NTM: variants seen among roughly 807,000 people sequenced by gnomAD.
NTM encodes neurotrimin, also known as IgLON family member 2.
NTM carries 13 observed loss-of-function variants against 42.1 expected under a neutral mutation model. The observed-to-expected ratio is 0.31, with a 90% CI of 0.20 to 0.49. The LOEUF is 0.49. Among genes scored for constraint, NTM ranks in the 20% least tolerant of loss-of-function variants. The pLI is 0.99. For missense variants in NTM, 373 were observed against 452.8 expected (o/e 0.82, Z 1.60); for synonymous variants, 187 against 179.2 (o/e 1.04, Z -0.35).
chr11:132,232,362 C>T (rs1440753013), intron 4 of NTM, among the ~76,000 whole-genome samples: 2 of 152,166 alleles, frequency 1.3e-5, no homozygotes, highest in African/African-American at 4.8e-5. Flanking sequence ...CTCCCGCATT[C>T]ATGAAAGGAA....
At chr11:131,823,912 T>C (rs1283419030) in intron 1 of NTM, among the ~76,000 whole-genome samples, 2 of 152,334 alleles carry the variant, frequency 1.3e-5, no homozygotes, top group Non-Finnish European at 2.9e-5. Context: ...TGAAAGCGCA[T>C]GGAATAGTTC....
At chr11:132,121,715 C>T (rs547380607) in intron 2 of NTM, among the ~76,000 whole-genome samples, 3 of 152,264 alleles carry the variant, frequency 2.0e-5, no homozygotes, top group Non-Finnish European at 4.4e-5. Context: ...TGGGCAGACC[C>T]ACCCCTCTGT....
At chr11:132,306,044 A>G (rs1320741048) in intron 4 of NTM, among the ~76,000 whole-genome samples, 1 of 152,210 alleles carries the variant, frequency 6.6e-6, no homozygotes, top group Non-Finnish European at 1.5e-5. Context: ...TGGCATGAAG[A>G]TGTATGAGAT....
At chr11:132,110,468 A>G (rs2136728211) in intron 2 of NTM, among the ~76,000 whole-genome samples, 1 of 152,314 alleles carries the variant, frequency 6.6e-6, no homozygotes. Context: ...CACTGAGTAT[A>G]TTCCTAATAT....
At chr11:131,642,794 A>G (rs1373565729) in intron 1 of NTM, among the ~76,000 whole-genome samples, 1 of 152,132 alleles carries the variant, frequency 6.6e-6, no homozygotes, top group East Asian at 1.9e-4. Flanking sequence ...TCATTACTAC[A>G]ACAAACATTG....
intron 2 of NTM, among the ~76,000 whole-genome samples, chr11:132,013,596 A>G (rs1158378393): frequency 6.6e-6 from 1 of 152,132 alleles, no homozygotes. Context: ...TGCTGAGAGA[A>G]GAGTGGCATA....
At chr11:131,558,141 G>A (rs1402918274) in intron 1 of NTM, among the ~76,000 whole-genome samples, 1 of 152,190 alleles carries the variant, frequency 6.6e-6, no homozygotes, top group Non-Finnish European at 1.5e-5. Context: ...GTGCAAGGCG[G>A]ATGCTTGAGG....
chr11:131,459,057 T>C (rs1951147890), intron 1 of NTM, among the ~76,000 whole-genome samples: 1 of 152,264 alleles, frequency 6.6e-6, no homozygotes, highest in Admixed American at 6.5e-5. Flanking sequence ...CTGGCCAGAT[T>C]GCACAGGATA....
Position 131,476,080 on chromosome 11 carries a change from A to G in NTM, c.82+105192A>G, listed in dbSNP as rs1332622004. Among the ~76,000 whole-genome samples the G allele has an allele frequency of 3.3e-5, 5 of 152,178 alleles. No homozygotes were observed. The East Asian group carries it at 9.7e-4, about 29-fold the overall frequency. ...GGAGGCAGGGAGGGAAGAAATGAGG[A>G]AAGGAGGGAGGAAAGCCTGTGTATT... is the stretch of plus-strand genomic sequence containing the variant. On this transcript the variant is annotated intron_variant, in intron 1 of 8. Transcript: ENST00000683400.
intron 1 of NTM, among the ~76,000 whole-genome samples, chr11:131,540,013 C>G (rs1337047336): frequency 1.3e-5 from 2 of 152,194 alleles, no homozygotes; most frequent in African/African-American, 4.8e-5. Context: ...CCACCTCATC[C>G]TTGCTCACTA....
At chr11:131,703,466 T>A (rs902835990) in intron 1 of NTM, among the ~76,000 whole-genome samples, 3 of 152,174 alleles carry the variant, frequency 2.0e-5, no homozygotes, top group African/African-American at 4.8e-5. Context: ...AAATAATGGA[T>A]GAAAGACTGA....
intron 2 of NTM, among the ~76,000 whole-genome samples, chr11:132,109,463 C>T (rs1305069125): frequency 5.3e-5 from 8 of 152,100 alleles, no homozygotes; most frequent in Non-Finnish European, 1.2e-4. Flanking sequence ...CTTGGATGTC[C>T]TAGCCTCCAG....
intron 7 of NTM, among the ~76,000 whole-genome samples, chr11:132,315,710 G>A (rs561363578): frequency 6.6e-6 from 1 of 152,220 alleles, no homozygotes; most frequent in East Asian, 1.9e-4. Context: ...TGAATCACGA[G>A]CCTGCACTGC....
chr11:132,060,339 G>A (rs1472627169), intron 2 of NTM, among the ~76,000 whole-genome samples: 1 of 152,224 alleles, frequency 6.6e-6, no homozygotes, highest in Non-Finnish European at 1.5e-5. Flanking sequence ...CGAGGCTGAA[G>A]ACAAGGAGAC....
intron 7 of NTM, 195 bp downstream of exon 7, chr11:132,314,898 A>C: frequency 7.4e-7 from 1 of 1,354,032 alleles, no homozygotes; most frequent in Non-Finnish European, 9.5e-7. Context: ...GGCAGACAGA[A>C]AGAGAAAGAA....
At position 132,335,825 on chromosome 11, in the gene NTM, G is replaced by A. The variant is rs1453394171; in HGVS notation, c.*679G>A. 6.6e-6 allele frequency: 1 copy of A among 151,764 alleles called. No individual in the cohort carries two copies. Among genetic ancestry groups the A allele is most frequent in the Non-Finnish European group, 1.5e-5 (1 of 67,948 alleles). 9.4% of individuals were successfully genotyped at this position (151,764 alleles called of 1,614,324 possible). On this transcript the variant is annotated 3_prime_UTR_variant, in exon 9 of 9. Transcript: ENST00000683400. ...TCATTAATTATATTTTCTGATATGA[G>A]TCTAGAACTTACTGCAAAAACAAGA... is the stretch of plus-strand genomic sequence containing the variant.
intron 3 of NTM, among the ~76,000 whole-genome samples, chr11:132,177,516 C>T (rs2076994029): frequency 6.6e-6 from 1 of 152,170 alleles, no homozygotes; most frequent in South Asian, 2.1e-4. Flanking sequence ...ATTATTATTA[C>T]CTTCACTTTG....
rs540809084 is a variant in NTM at position 132,321,457 on chromosome 11, C to T, written c.934+6754C>T. Among the ~76,000 whole-genome samples the T allele has an allele frequency of 1.8e-4, 28 of 151,772 alleles. No individual in the cohort carries two copies. In the East Asian group the frequency reaches 2.5e-3, roughly 14 times the overall value. The stretch of plus-strand genomic sequence containing the variant: ...GGAAGATGAAATGAATGAAATGAAG[C>T]GAGAAGGAAAGTTTAGAGAAAAAAA... On this transcript the variant is annotated intron_variant, in intron 7 of 8. Transcript: ENST00000683400.
chr11:132,266,851 A>C (rs1256165008), intron 4 of NTM, among the ~76,000 whole-genome samples: 3 of 152,238 alleles, frequency 2.0e-5, no homozygotes, highest in Admixed American at 6.5e-5. Flanking sequence ...TGAATAACTT[A>C]GTTGACATTT....
Sources: allele counts gnomAD v4.1 joint callset (sites outside exome capture counted in the v4.1 genomes callset), GRCh38; gene constraint gnomAD v4.1.1; transcripts MANE v1.5; gene names NCBI Gene and HGNC (gene_info 2026-07-23, HGNC 2026-07-21).